JAM2: variants seen among roughly 807,000 people sequenced by gnomAD.
JAM2 encodes junctional adhesion molecule B.
JAM2 carries 17 observed loss-of-function variants against 42.0 expected under a neutral mutation model. The observed-to-expected ratio is 0.40, with a 90% confidence interval of 0.28 to 0.61. The LOEUF (loss-of-function observed/expected upper bound fraction) is 0.61, where lower values mean the gene tolerates loss of function less well. Ranked by LOEUF, JAM2 falls within the 20% of genes least tolerant of loss-of-function variation. The pLI is 0.37. For synonymous variants in JAM2, 118 were observed against 128.6 expected (o/e 0.92, Z 0.56); for missense variants, 319 against 358.3 (o/e 0.89, Z 0.89).
chr21:25,681,104 A>G (rs900690036), intron 1 of JAM2, among the ~76,000 whole-genome samples: 3 of 152,246 alleles, frequency 2.0e-5, no homozygotes, highest in Non-Finnish European at 2.9e-5. Flanking sequence ...CAAGTAAACT[A>G]TAGAAATATA....
chr21:25,665,793 C>T (rs780575422), intron 1 of JAM2, among the ~76,000 whole-genome samples: 1 of 152,150 alleles, frequency 6.6e-6, no homozygotes, highest in Non-Finnish European at 1.5e-5. Context: ...GTAATCCCAG[C>T]ACTTTGGGAG....
In JAM2 at chr21:25,639,731, C is replaced by T. The variant is rs1600978224; in HGVS notation, c.-91C>T. The T allele has an allele frequency of 2.6e-6, 2 of 772,790 alleles. No homozygotes were observed. Among genetic ancestry groups the T allele is most frequent in the Non-Finnish European group, 4.2e-6 (2 of 479,640 alleles). The allele number at this position is 772,790 out of a possible 1,614,324, so 47.9% of individuals were successfully genotyped here. On this transcript the variant is annotated 5_prime_UTR_variant, in exon 1 of 10. Transcript: ENST00000480456. ...CCCTCCCGACTCTCTGCTCCTTTCC[C>T]GCCCCAGAAGTTCAAGGGCCCCCGG...
chr21:25,646,458 G>A (rs1170936225), intron 1 of JAM2, among the ~76,000 whole-genome samples: 2 of 152,126 alleles, frequency 1.3e-5, no homozygotes, highest in East Asian at 3.8e-4. Flanking sequence ...AGTGTTTCCA[G>A]AGTTTCCCTG....
chr21:25,688,243 G>GGTGT (rs147927864), intron 2 of JAM2, among the ~76,000 whole-genome samples: 16,077 of 149,738 alleles, frequency 0.11, 914 homozygotes, highest in South Asian at 0.23. Flanking sequence ...CACCAGGAGG[G>GGTGT]GTGTGTGTGT....
chr21:25,650,545 T>C (rs1422093175), intron 1 of JAM2, among the ~76,000 whole-genome samples: 1 of 152,242 alleles, frequency 6.6e-6, no homozygotes, highest in Non-Finnish European at 1.5e-5. Context: ...TTCAAACTTT[T>C]TTATATTACA....
chr21:25,659,126 T>C (rs1251439190), intron 1 of JAM2, among the ~76,000 whole-genome samples: 3 of 152,166 alleles, frequency 2.0e-5, no homozygotes, highest in Non-Finnish European at 4.4e-5. Context: ...TTTAACTAAA[T>C]GGGAGAAATA....
chr21:25,682,234 ATT>A (rs2033650144), intron 1 of JAM2, among the ~76,000 whole-genome samples: 1 of 152,246 alleles, frequency 6.6e-6, no homozygotes, highest in South Asian at 2.1e-4. Context: ...ATAGGAAAGT[ATT>A]TAAATTATTT....
At chr21:25,656,694 T>C (rs1241862039) in intron 1 of JAM2, among the ~76,000 whole-genome samples, 1 of 152,210 alleles carries the variant, frequency 6.6e-6, no homozygotes, top group East Asian at 1.9e-4. Flanking sequence ...GGAATGTAGA[T>C]GTTAATGGAG....
intron 1 of JAM2, among the ~76,000 whole-genome samples, chr21:25,680,855 G>A (rs2033615157): frequency 6.6e-6 from 1 of 152,162 alleles, no homozygotes; most frequent in Admixed American, 6.6e-5. Flanking sequence ...AACTCACAAA[G>A]CAGACAGAAT....
intron 1 of JAM2, chr21:25,643,990 T>G (rs1466849949): frequency 1.3e-5 from 2 of 152,210 alleles, no homozygotes; most frequent in Admixed American, 1.3e-4. Context: ...AAGGCCATTC[T>G]TAAAATAATA....
At chr21:25,673,687 G>A (rs1409311213) in intron 1 of JAM2, among the ~76,000 whole-genome samples, 1 of 152,112 alleles carries the variant, frequency 6.6e-6, no homozygotes, top group Non-Finnish European at 1.5e-5. Context: ...AGAGGAAAGG[G>A]GACTGTGGAG....
At chr21:25,665,996 C>T (rs1036754405) in intron 1 of JAM2, among the ~76,000 whole-genome samples, 8 of 151,892 alleles carry the variant, frequency 5.3e-5, no homozygotes, top group South Asian at 2.1e-4. Flanking sequence ...GCTGAGATTG[C>T]GCCATTGCAC....
chr21:25,698,783 A>G lies in JAM2; in HGVS notation c.501A>G (p.Thr167=). 6.2e-6 allele frequency: 10 copies of G among 1,614,024 alleles called. No individual in the cohort carries two copies. The highest frequency in any genetic ancestry group is 8.5e-6 in the Non-Finnish European group (10 of 1,179,892). ...DKEGNPAPEY[T]WFKDGIRLLE... ...AAGGGAATCCAGCTCCTGAATACAC[A>G]TGGTTTAAGGATGGCATCCGTTTGC... Residue 167 remains threonine, a synonymous_variant, in exon 5 of 10, where the codon ACA becomes ACG. Coordinates refer to ENST00000480456, the MANE Select transcript of JAM2 (RefSeq NM_021219.4).
In JAM2 at chr21:25,639,760, C is replaced by T. The variant is rs1384730451; in HGVS notation, c.-62C>T. On this transcript the variant is annotated 5_prime_UTR_variant, in exon 1 of 10. Transcript: ENST00000480456. The stretch of plus-strand genomic sequence containing the variant: ...CCAGAAGTTCAAGGGCCCCCGGCCT[C>T]CTGCGCTCCTGCCGCCGGGACCCTC... The T allele has an allele frequency of 1.7e-6, 2 of 1,192,302 alleles. No individual in the cohort carries two copies. The highest frequency in any genetic ancestry group is 1.4e-5 in the South Asian group (1 of 73,904). The allele number at this position is 1,192,302 out of a possible 1,614,324, so 73.9% of individuals were successfully genotyped here. A position where few individuals can be genotyped will look rare whatever the true frequency, so the allele number is the denominator to read the frequency against.
intron 7 of JAM2, among the ~76,000 whole-genome samples, chr21:25,709,229 T>C (rs764164587): frequency 7.9e-5 from 12 of 152,188 alleles, no homozygotes; most frequent in Non-Finnish European, 1.6e-4. Flanking sequence ...ACCTATATAG[T>C]ATCCTCTTGG....
intron 1 of JAM2, among the ~76,000 whole-genome samples, chr21:25,651,679 C>A (rs1282171188): frequency 6.6e-6 from 1 of 152,148 alleles, no homozygotes; most frequent in African/African-American, 2.4e-5. Flanking sequence ...GGTGTTATTT[C>A]TTTTTTATGC....
rs59490509 is a variant in JAM2, at chr21:25,699,722, C to CAAA, written c.597+874_597+876dup. Among the ~76,000 whole-genome samples the CAAA allele has an allele frequency of 3.7e-3, 156 of 41,954 alleles. 2 individuals carry two copies. Among genetic ancestry groups the CAAA allele is most frequent in the African/African-American group, 5.9e-3 (81 of 13,688 alleles). 27.5% of individuals were successfully genotyped at this position (41,954 alleles called of 152,430 possible). A position where few individuals can be genotyped will look rare whatever the true frequency, so the allele number is the denominator to read the frequency against. ...TGGGTGACAGAGCCAGGCTCCGTCT[C>CAAA]AAAAAAAAAAAAAAAAAAAAAAAAA... On this transcript the variant is annotated intron_variant, in intron 5 of 9. Transcript: ENST00000480456.
chr21:25,672,759 T>C (rs1206503681), intron 1 of JAM2, among the ~76,000 whole-genome samples: 1 of 152,214 alleles, frequency 6.6e-6, no homozygotes, highest in Non-Finnish European at 1.5e-5. Flanking sequence ...CTTTCTCTCT[T>C]TGCCATTACG....
chr21:25,666,598 G>A (rs145864801), intron 1 of JAM2, among the ~76,000 whole-genome samples: 2,908 of 152,188 alleles, frequency 0.019, 99 homozygotes, highest in African/African-American at 0.067. Flanking sequence ...ATGCAGTGGC[G>A]AGATCACAGC....
Sources: allele counts gnomAD v4.1 joint callset (sites outside exome capture counted in the v4.1 genomes callset), GRCh38; gene constraint gnomAD v4.1.1; transcripts MANE v1.5; gene names NCBI Gene and HGNC (gene_info 2026-07-23, HGNC 2026-07-21).